EP400: variants seen among roughly 807,000 people sequenced by gnomAD.
The protein encoded by EP400 is E1A binding protein p400, also known as E1A-binding protein p400.
In EP400, 105 loss-of-function variants were observed where a neutral mutation model predicts 354.1. The ratio of observed to expected loss-of-function variants is 0.30; its 90% CI spans 0.25 to 0.35. EP400 has a LOEUF of 0.35. Ranked by LOEUF, EP400 falls within the 10% of genes least tolerant of loss-of-function variation. EP400 has a pLI of 1.00. For synonymous variants in EP400, 1,646 were observed against 1,716.9 expected (o/e 0.96, Z 1.02); for missense variants, 3,280 against 4,121.0 (o/e 0.80, Z 5.59).
At position 132,028,012 on chromosome 12, in the gene EP400, T is replaced by TA; in HGVS notation, c.5110-2dup. The TA allele has an allele frequency of 6.2e-7, 1 of 1,607,632 alleles. No homozygotes were observed. Among genetic ancestry groups the TA allele is most frequent in the Non-Finnish European group, 8.5e-7 (1 of 1,174,774 alleles). ...GTAACTGTTTTTCATCACTTTTTGATAAAGGAGGAAAAGACCAGACTCTTG... is the reference window on the plus strand; with the variant it reads ...GTAACTGTTTTTCATCACTTTTTGATAAAAGGAGGAAAAGACCAGACTCTTG... On this transcript the variant is annotated splice_region_variant and splice_polypyrimidine_tract_variant and intron_variant, in intron 26 of 52. Transcript: ENST00000389561.
In EP400 at chr12:132,062,616, C is replaced by T. The variant is rs143981004; in HGVS notation, c.8249C>T (p.Thr2750Met). 1.6e-4 allele frequency: 250 copies of T among 1,610,548 alleles called. No individual in the cohort carries two copies. The highest frequency in any genetic ancestry group is 1.3e-3 in the Middle Eastern group (8 of 6,046). ...QQQQQQQQQTTTTSQVQVPQI... is the reference protein window; with the variant it reads ...QQQQQQQQQTMTTSQVQVPQI... ...CAACAGCAGCAGCAGCAACAGACGA[C>T]GACGACCTCTCAGGTGCAAGTTCCA... The change falls in exon 47 of 53, where the codon ACG becomes ATG. Residue 2750 changes from threonine to methionine, a missense_variant. Coordinates refer to ENST00000389561, the MANE Select transcript of EP400 (RefSeq NM_015409.5).
rs753232349 is a variant in EP400, at chr12:132,053,562, C to A, written c.7693C>A (p.Pro2565Thr). ...QPVQAPAKAQ[P>T]AITTGGSAAV... ...TGTGCAGGCCCCAGCGAAGGCGCAGCCCGCAATCACGACGGGGGGCAGTGC... is the reference window on the plus strand; with the variant it reads ...TGTGCAGGCCCCAGCGAAGGCGCAGACCGCAATCACGACGGGGGGCAGTGC... The change falls in exon 43 of 53, where the codon CCC becomes ACC. Residue 2565 changes from proline to threonine, a missense_variant. Around this residue, in one of 20 missense-constraint regions of EP400, gnomAD observed 255 missense variants for 295.9 expected, o/e 0.86. Transcript: ENST00000389561. The A allele has an allele frequency of 6.4e-7, 1 of 1,563,902 alleles. No homozygotes were observed. Among genetic ancestry groups the A allele is most frequent in the Admixed American group, 1.8e-5 (1 of 56,048 alleles).
intron 23 of EP400, among the ~76,000 whole-genome samples, chr12:132,022,887 C>T (rs1373132296): frequency 6.6e-6 from 1 of 152,068 alleles, no homozygotes; most frequent in Non-Finnish European, 1.5e-5. Context: ...CTGCAGTGAG[C>T]TATAATCCTG....
At position 132,021,364 on chromosome 12, in the gene EP400, C is replaced by T. The variant is rs1325201765; in HGVS notation, c.4690+43C>T. On this transcript the variant is annotated intron_variant, in intron 23 of 52. Coordinates refer to ENST00000389561, the MANE Select transcript of EP400 (RefSeq NM_015409.5). The stretch of plus-strand genomic sequence containing the variant: ...TCCAGGTTTCTGCCATCTCTCTACC[C>T]CAGAGGAGTTGTGTTAAGAACACGG... The T allele has an allele frequency of 2.7e-6, 4 of 1,468,608 alleles. No individual in the cohort carries two copies. The East Asian group carries it at 1.0e-4, about 37-fold the overall frequency. 91.0% of individuals were successfully genotyped at this position (1,468,608 alleles called of 1,614,324 possible).
At chr12:131,952,314 AAAAAAAAAAAAGAAAAAGAAATAGGGT>A (rs1313848534) in intron 1 of EP400, among the ~76,000 whole-genome samples, 1 of 149,314 alleles carries the variant, frequency 6.7e-6, no homozygotes, top group Non-Finnish European at 1.5e-5. Context: ...AAAAAAAAAA[AAAAAAAAAAAAGAAAAAGAAATAGGGT>A]TTCACCATGT....
chr12:132,009,744 C>T (rs943561495), intron 15 of EP400, among the ~76,000 whole-genome samples: 2 of 151,700 alleles, frequency 1.3e-5, no homozygotes, highest in African/African-American at 4.9e-5. Flanking sequence ...ACTGCAGCCT[C>T]AGCCTCCTGG....
chr12:132,053,705 C>T, intron 43 of EP400, 108 bp downstream of exon 43: 1 of 1,262,990 alleles, frequency 7.9e-7, no homozygotes. Context: ...AGTTCTAGCA[C>T]ATTTCCAGCT....
intron 51 of EP400, 31 bp downstream of exon 51, chr12:132,069,672 G>A (rs777973817): frequency 3.1e-5 from 50 of 1,610,768 alleles, no homozygotes; most frequent in Non-Finnish European, 3.8e-5. Flanking sequence ...GGGCCCGAGT[G>A]TCAGGAGTGG....
rs140278233 is a variant in EP400, at chr12:132,028,737, C to T, written c.5381+449C>T. Among the ~76,000 whole-genome samples, 1,087 of 152,296 alleles carry T rather than the reference C, an allele frequency of 7.1e-3. 35 individuals are homozygous for T. The South Asian group carries it at 0.094, about 13-fold the overall frequency. On this transcript the variant is annotated intron_variant, in intron 27 of 52. Coordinates refer to ENST00000389561, the MANE Select transcript of EP400 (RefSeq NM_015409.5). ...CCGGTGGGCACGGTGGGCACCCGGC[C>T]GCTCTCAACTGAGCTTGCTTTCAGT...
At chr12:132,048,171 C>T (rs943547842) in intron 39 of EP400, among the ~76,000 whole-genome samples, 3 of 152,062 alleles carry the variant, frequency 2.0e-5, no homozygotes, top group Non-Finnish European at 2.9e-5. Context: ...GGTCCTGAGG[C>T]GACATACATC....
intron 13 of EP400, 145 bp from the exon 14 acceptor site, chr12:132,005,967 A>T: frequency 1.3e-6 from 1 of 751,972 alleles, no homozygotes; most frequent in South Asian, 2.1e-5. Context: ...ATTGTTAGAT[A>T]TTTTGGATTA....
Position 132,052,317 on chromosome 12 carries a change from T to C in EP400, c.7395-829T>C, listed in dbSNP as rs891808464. Among the ~76,000 whole-genome samples, 6 of 152,178 alleles carry C rather than the reference T, an allele frequency of 3.9e-5. No individual in the cohort carries two copies. The highest frequency in any genetic ancestry group is 1.4e-4 in the African/African-American group (6 of 41,452). ...CTGTGGCCCCCTTTCCGCACAGTAG[T>C]GGAGTGATCCTTGTCAGAAGGAGTT... On this transcript the variant is annotated intron_variant, in intron 41 of 52. Transcript: ENST00000389561. This position sits in a 1 kb window ranked among gnomAD's most constrained non-coding sequence, Gnocchi z 4.4.
At chr12:131,956,369 AC>A (rs1330860914) in intron 1 of EP400, among the ~76,000 whole-genome samples, 3 of 151,738 alleles carry the variant, frequency 2.0e-5, no homozygotes, top group Non-Finnish European at 4.4e-5. Flanking sequence ...GCAATTGGTA[AC>A]CTGCTTTTTT....
At chr12:132,047,704 C>G (rs929961158) in intron 39 of EP400, among the ~76,000 whole-genome samples, 2 of 151,138 alleles carry the variant, frequency 1.3e-5, no homozygotes, top group African/African-American at 4.9e-5. Flanking sequence ...CGGGCAGGCA[C>G]TGTCATTGAT....
At chr12:131,960,213 A>T (rs74967192) in intron 1 of EP400, among the ~76,000 whole-genome samples, 5,781 of 152,268 alleles carry the variant, frequency 0.038, 147 homozygotes, top group Non-Finnish European at 0.058. Context: ...ATACTCCTGT[A>T]GCTCAGTCTC....
chr12:131,986,397 G>A (rs1417118805), intron 5 of EP400, 117 bp from the exon 6 acceptor site: 5 of 953,110 alleles, frequency 5.2e-6, no homozygotes, highest in Non-Finnish European at 7.8e-6. Flanking sequence ...TTGCATCGTG[G>A]AGCGGAAGGT....
intron 37 of EP400, 49 bp from the exon 38 acceptor site, chr12:132,045,270 G>A (rs944401136): frequency 3.7e-6 from 6 of 1,602,088 alleles, no homozygotes; most frequent in Non-Finnish European, 5.1e-6. Context: ...GCCTGCCCGT[G>A]TGGAATCTCC....
At chr12:131,950,766 C>G (rs969018670) in intron 1 of EP400, among the ~76,000 whole-genome samples, 1 of 152,248 alleles carries the variant, frequency 6.6e-6, no homozygotes, top group African/African-American at 2.4e-5. Context: ...TTAGTAATTA[C>G]TTTCTGAGAC....
intron 19 of EP400, among the ~76,000 whole-genome samples, chr12:132,016,751 G>A (rs1300827263): frequency 6.6e-6 from 1 of 152,162 alleles, no homozygotes; most frequent in African/African-American, 2.4e-5. Flanking sequence ...AGCTCCTCAC[G>A]TCCGGCGTGG....
Sources: gnomAD v4.1 joint callset for allele counts (sites outside exome capture counted in the v4.1 genomes callset) on GRCh38, gnomAD v4.1.1 for gene constraint, gnomAD v4.1.1 regional missense constraint, Gnocchi (gnomAD v3.1) non-coding constraint, MANE v1.5 for transcripts, NCBI Gene and HGNC (gene_info 2026-07-23, HGNC 2026-07-21) for gene names.